The following ZNF609 variants were observed in gnomAD, a reference collection of about 807,000 sequenced individuals.
The protein encoded by ZNF609 is zinc finger protein 609.
ZNF609 carries 11 observed loss-of-function variants against 109.5 expected under a neutral mutation model. The observed-to-expected ratio is 0.10, with a 90% CI of 0.06 to 0.17. The LOEUF (loss-of-function observed/expected upper bound fraction) is 0.17. Among genes scored for constraint, ZNF609 ranks in the 10% least tolerant of loss-of-function variants. ZNF609 has a pLI of 1.00. For missense variants in ZNF609, 1,559 were observed against 1,772.4 expected, an observed-to-expected ratio of 0.88 and a Z score of 2.16; for synonymous variants, 646 against 662.0, an observed-to-expected ratio of 0.98 and a Z score of 0.37.
Position 64,669,275 on chromosome 15 carries a change from T to G in ZNF609, c.974-1071T>G, listed in dbSNP as rs185299066. On this transcript the variant is annotated intron_variant, in intron 3 of 9. Transcript: ENST00000326648. ...TGAAGCATTTGTACAAGATTATTCATTGCAGTTTATTTGTAATAGCAGAAG... is the reference window on the plus strand; with the variant it reads ...TGAAGCATTTGTACAAGATTATTCAGTGCAGTTTATTTGTAATAGCAGAAG... Among the ~76,000 whole-genome samples the G allele has an allele frequency of 3.0e-4, 46 of 152,328 alleles. No homozygotes were observed. In the East Asian group the frequency reaches 8.9e-3, roughly 29 times the overall value.
chr15:64,668,581 A>G (rs1896682363), intron 3 of ZNF609, among the ~76,000 whole-genome samples: 2 of 152,128 alleles, frequency 1.3e-5, no homozygotes. Context: ...GCCTGGGCAA[A>G]ATGGTCTTGA....
intron 2 of ZNF609, chr15:64,529,534 A>C (rs1368560671): frequency 4.9e-6 from 6 of 1,217,168 alleles, no homozygotes; most frequent in South Asian, 1.2e-5. Flanking sequence ...ATACAGGAAC[A>C]TGTAGACCAT....
intron 1 of ZNF609, 51 bp from the exon 2 acceptor site, chr15:64,499,242 C>T (rs1893523543): frequency 2.7e-6 from 2 of 746,610 alleles, no homozygotes; most frequent in Non-Finnish European, 4.1e-6. Context: ...TTTCAGGCGT[C>T]TCTTGCCTGT....
chr15:64,679,666 T>G (rs1210367683), intron 6 of ZNF609, among the ~76,000 whole-genome samples: 1 of 152,242 alleles, frequency 6.6e-6, no homozygotes, highest in Non-Finnish European at 1.5e-5. Context: ...TAGTTGCATT[T>G]GTTGAGTGCT....
At chr15:64,480,362 C>T (rs1198986041) in intron 1 of ZNF609, among the ~76,000 whole-genome samples, 4 of 152,144 alleles carry the variant, frequency 2.6e-5, no homozygotes, top group Middle Eastern at 3.4e-3. Context: ...GGTGAAACCC[C>T]GTCTACTAAA....
chr15:64,540,528 C>T (rs1354516257), intron 2 of ZNF609, among the ~76,000 whole-genome samples: 2 of 151,838 alleles, frequency 1.3e-5, no homozygotes, highest in African/African-American at 4.8e-5. Context: ...CTTTAGCCTC[C>T]CAAGTAGCTG....
intron 2 of ZNF609, among the ~76,000 whole-genome samples, chr15:64,563,082 G>A (rs1894706216): frequency 6.6e-6 from 1 of 152,060 alleles, no homozygotes; most frequent in African/African-American, 2.4e-5. Flanking sequence ...GGTCAAGGCT[G>A]CAGTGAGCCA....
chr15:64,529,102 G>A, intron 2 of ZNF609: 1 of 866,718 alleles, frequency 1.2e-6, no homozygotes, highest in Admixed American at 1.9e-5. Flanking sequence ...TTTCCCGGAG[G>A]GGCCATTTAT....
chr15:64,497,900 C>CA (rs11358629), intron 1 of ZNF609, among the ~76,000 whole-genome samples: 2 of 146,688 alleles, frequency 1.4e-5, no homozygotes, highest in African/African-American at 2.5e-5. Flanking sequence ...GGCTCTGACT[C>CA]AAAAAAAAAA....
chr15:64,544,524 A>G (rs1894325311), intron 2 of ZNF609, among the ~76,000 whole-genome samples: 1 of 152,220 alleles, frequency 6.6e-6, no homozygotes, highest in Non-Finnish European at 1.5e-5. Context: ...TTTGGCTCAC[A>G]GTGTCAACCA....
In ZNF609 at chr15:64,685,198, CTG is replaced by C. The variant is rs2083234034; in HGVS notation, c.*3514_*3515del. 1.3e-5 allele frequency: 2 copies of C among 151,250 alleles called. No homozygotes were observed. 9.4% of individuals were successfully genotyped at this position (151,250 alleles called of 1,614,324 possible). On this transcript the variant is annotated 3_prime_UTR_variant, in exon 10 of 10. Coordinates refer to ENST00000326648, the MANE Select transcript of ZNF609 (RefSeq NM_015042.2). The stretch of plus-strand genomic sequence containing the variant: ...ATATATAAATATATATATATACAAA[CTG>C]TACTCTTTTTGCCTTTGTACATTCA...
chr15:64,509,071 T>C (rs1396093627), intron 2 of ZNF609, among the ~76,000 whole-genome samples: 2 of 152,198 alleles, frequency 1.3e-5, no homozygotes, highest in African/African-American at 4.8e-5. Context: ...TCTACTATTG[T>C]AGAGCACCCT....
At chr15:64,669,859 G>A (rs1896701009) in intron 3 of ZNF609, among the ~76,000 whole-genome samples, 1 of 151,996 alleles carries the variant, frequency 6.6e-6, no homozygotes, top group African/African-American at 2.4e-5. Flanking sequence ...GTAGAGACAG[G>A]TTTTCCCCAT....
intron 1 of ZNF609, among the ~76,000 whole-genome samples, chr15:64,497,909 A>C (rs1249595974): frequency 2.0e-5 from 3 of 152,010 alleles, no homozygotes; most frequent in Non-Finnish European, 2.9e-5. Flanking sequence ...TCAAAAAAAA[A>C]AAATTTTTTT....
intron 2 of ZNF609, chr15:64,529,738 A>T: frequency 3.3e-6 from 2 of 599,638 alleles, no homozygotes; most frequent in East Asian, 6.7e-5. Context: ...GGAGGAGCAG[A>T]GACTTTTTTG....
At chr15:64,574,094 G>T (rs903295799) in intron 2 of ZNF609, among the ~76,000 whole-genome samples, 1 of 150,788 alleles carries the variant, frequency 6.6e-6, no homozygotes, top group African/African-American at 2.5e-5. Flanking sequence ...AGGGGCCCCT[G>T]TTCACTGAGG....
intron 2 of ZNF609, among the ~76,000 whole-genome samples, chr15:64,610,589 A>G (rs1895700674): frequency 6.6e-6 from 1 of 152,164 alleles, no homozygotes; most frequent in African/African-American, 2.4e-5. Flanking sequence ...TCAAGGCCAT[A>G]GTGAGCAATG....
At chr15:64,668,458 A>C (rs76509716) in intron 3 of ZNF609, among the ~76,000 whole-genome samples, 1 of 152,340 alleles carries the variant, frequency 6.6e-6, no homozygotes, top group Non-Finnish European at 1.5e-5. Context: ...ACTGAATATT[A>C]TATTTAATGG....
At chr15:64,461,548 T>G (rs1419432014) in intron 1 of ZNF609, among the ~76,000 whole-genome samples, 1 of 152,104 alleles carries the variant, frequency 6.6e-6, no homozygotes, top group Non-Finnish European at 1.5e-5. Flanking sequence ...CCTTCCTCCC[T>G]CTGGGGTTGA....
Sources: allele counts gnomAD v4.1 joint callset (sites outside exome capture counted in the v4.1 genomes callset), GRCh38; gene constraint gnomAD v4.1.1; transcripts MANE v1.5; gene names NCBI Gene and HGNC (gene_info 2026-07-23, HGNC 2026-07-21).